MBD5: variants seen among roughly 807,000 people sequenced by gnomAD.
MBD5 encodes methyl-CpG binding domain protein 5, also known as methyl-CpG-binding domain protein 5.
MBD5 carries 13 observed loss-of-function variants against 117.3 expected under a neutral mutation model. That is an observed-to-expected ratio of 0.11 (90% CI 0.07 to 0.18). MBD5 has a LOEUF of 0.18. MBD5 is among the 10% of genes least tolerant of loss of function. MBD5 has a pLI of 1.00. For missense variants in MBD5, 1,879 were observed against 2,093.8 expected (o/e 0.90, Z 2.00); for synonymous variants, 727 against 766.4 (o/e 0.95, Z 0.85).
At chr2:148,499,822 A>C (rs1681817574) in intron 11 of MBD5, among the ~76,000 whole-genome samples, 1 of 152,150 alleles carries the variant, frequency 6.6e-6, no homozygotes, top group African/African-American at 2.4e-5. Context: ...GGGTATCTTT[A>C]AAGTTTCTTG....
At chr2:148,129,075 CA>C (rs1280635485) in intron 1 of MBD5, among the ~76,000 whole-genome samples, 2 of 152,078 alleles carry the variant, frequency 1.3e-5, no homozygotes, top group Non-Finnish European at 2.9e-5. Context: ...AAATACTATC[CA>C]ACCCCAATTT....
At chr2:148,345,371 A>G (rs565403670) in intron 4 of MBD5, among the ~76,000 whole-genome samples, 42 of 140,572 alleles carry the variant, frequency 3.0e-4, no homozygotes, top group African/African-American at 9.8e-4. Flanking sequence ...ACATATACAT[A>G]TACACATATA....
chr2:148,069,706 G>A (rs773225145), intron 1 of MBD5, among the ~76,000 whole-genome samples: 7 of 151,886 alleles, frequency 4.6e-5, no homozygotes, highest in Non-Finnish European at 7.4e-5. Flanking sequence ...AAAAGCAAAG[G>A]ACAAAGGTGG....
intron 1 of MBD5, among the ~76,000 whole-genome samples, chr2:148,058,451 T>C (rs2105806650): frequency 6.6e-6 from 1 of 152,176 alleles, no homozygotes; most frequent in Middle Eastern, 3.4e-3. Context: ...AGAAGGAAGT[T>C]TAGACCATGG....
At chr2:148,479,702 C>G (rs1005467949) in intron 8 of MBD5, among the ~76,000 whole-genome samples, 2 of 139,448 alleles carry the variant, frequency 1.4e-5, no homozygotes, top group Non-Finnish European at 3.1e-5. Flanking sequence ...CTTCCATCTA[C>G]TTTATTATGT....
At chr2:148,342,421 T>G (rs910859440) in intron 4 of MBD5, 85 bp downstream of exon 4, 2 of 152,038 alleles carry the variant, frequency 1.3e-5, no homozygotes, top group African/African-American at 4.8e-5. Context: ...ATATGGGAAG[T>G]GTCTGACATC....
chr2:148,143,042 C>T (rs892628978), intron 1 of MBD5, among the ~76,000 whole-genome samples: 15 of 152,050 alleles, frequency 9.9e-5, no homozygotes, highest in East Asian at 5.8e-4. Context: ...GGCAATTATA[C>T]GGATGCAAAA....
chr2:148,128,773 A>T (rs915968110), intron 1 of MBD5, among the ~76,000 whole-genome samples: 2 of 152,174 alleles, frequency 1.3e-5, no homozygotes, highest in East Asian at 3.9e-4. Flanking sequence ...AGTGTCTGAA[A>T]ATTGCTCTAT....
At chr2:148,143,812 A>G (rs188239135) in intron 1 of MBD5, among the ~76,000 whole-genome samples, 120 of 152,250 alleles carry the variant, frequency 7.9e-4, no homozygotes, top group African/African-American at 2.8e-3. Flanking sequence ...ATAGTGTTCC[A>G]TGGTGTATAT....
chr2:148,499,658 C>A (rs953504288), intron 11 of MBD5, among the ~76,000 whole-genome samples: 14 of 152,036 alleles, frequency 9.2e-5, no homozygotes, highest in African/African-American at 3.1e-4. Context: ...TGTGTTTAAC[C>A]TTTTTAATGT....
intron 3 of MBD5, among the ~76,000 whole-genome samples, chr2:148,237,275 C>G (rs1389747185): frequency 6.6e-6 from 1 of 152,088 alleles, no homozygotes; most frequent in Non-Finnish European, 1.5e-5. Context: ...ATTTGGCTAA[C>G]TGTTGGGCGC....
At chr2:148,265,806 C>T (rs1700843100) in intron 3 of MBD5, among the ~76,000 whole-genome samples, 1 of 152,154 alleles carries the variant, frequency 6.6e-6, no homozygotes, top group Non-Finnish European at 1.5e-5. Context: ...ATTTTTGAGA[C>T]TCTGCTATAT....
At position 148,185,934 on chromosome 2, in the gene MBD5, T is replaced by A. The variant is rs553403654; in HGVS notation, c.-831+7141T>A. Among the ~76,000 whole-genome samples the A allele has an allele frequency of 2.4e-4, 37 of 152,314 alleles. 1 individual carries two copies. In the South Asian group the frequency reaches 6.0e-3, roughly 25 times the overall value. ...GAATTGATGGGTTTGCGTAGGATAG[T>A]TTTTAAATGTGGATATTTAGCATGA... is the stretch of plus-strand genomic sequence containing the variant. On this transcript the variant is annotated intron_variant, in intron 2 of 13. Transcript: ENST00000642680.
chr2:148,388,272 G>C (rs1288402051), intron 4 of MBD5, among the ~76,000 whole-genome samples: 1 of 152,176 alleles, frequency 6.6e-6, no homozygotes, highest in African/African-American at 2.4e-5. Context: ...TTAGTTAGGG[G>C]AGAATTGTTG....
intron 3 of MBD5, among the ~76,000 whole-genome samples, chr2:148,261,565 T>G (rs2106301434): frequency 6.6e-6 from 1 of 152,356 alleles, no homozygotes; most frequent in Middle Eastern, 3.4e-3. Context: ...GAATTAGACT[T>G]TATTTTAAGG....
chr2:148,245,253 T>A (rs1700309352), intron 3 of MBD5, among the ~76,000 whole-genome samples: 1 of 150,092 alleles, frequency 6.7e-6, no homozygotes, highest in African/African-American at 2.4e-5. Context: ...TAAGACAGAG[T>A]CTCGCACTGT....
chr2:148,136,504 T>C (rs1697175699), intron 1 of MBD5, among the ~76,000 whole-genome samples: 2 of 152,218 alleles, frequency 1.3e-5, no homozygotes, highest in Admixed American at 6.5e-5. Context: ...ACATTTGTTG[T>C]AGCCATCACC....
At chr2:148,383,692 A>T (rs1240066217) in intron 4 of MBD5, among the ~76,000 whole-genome samples, 2 of 152,164 alleles carry the variant, frequency 1.3e-5, no homozygotes, top group Non-Finnish European at 2.9e-5. Flanking sequence ...CTTGATGAAC[A>T]TTGATGCAAA....
chr2:148,064,399 G>A (rs1374468592), intron 1 of MBD5, among the ~76,000 whole-genome samples: 2 of 151,620 alleles, frequency 1.3e-5, no homozygotes, highest in African/African-American at 4.8e-5. Flanking sequence ...ACAGGCGTGA[G>A]CCACCGCGCC....
Sources: gnomAD v4.1 joint callset for allele counts (sites outside exome capture counted in the v4.1 genomes callset) on GRCh38, gnomAD v4.1.1 for gene constraint, MANE v1.5 for transcripts, NCBI Gene and HGNC (gene_info 2026-07-23, HGNC 2026-07-21) for gene names.